FAF1: variants seen among roughly 807,000 people sequenced by gnomAD.
The protein encoded by FAF1 is FAS-associated factor 1.
In FAF1, 25 loss-of-function variants were observed where a neutral mutation model predicts 92.5. The ratio of observed to expected loss-of-function variants is 0.27; its 90% confidence interval spans 0.20 to 0.38. The LOEUF (loss-of-function observed/expected upper bound fraction) is 0.38. Among genes scored for constraint, FAF1 ranks in the 10% least tolerant of loss-of-function variants. The pLI, the probability that FAF1 is intolerant of heterozygous loss-of-function variation, is 1.00. For missense variants in FAF1, 636 were observed against 793.3 expected (o/e 0.80, Z 2.38); for synonymous variants, 234 against 273.2 (o/e 0.86, Z 1.42).
chr1:50,536,347 A>G (rs759221231), intron 14 of FAF1, among the ~76,000 whole-genome samples: 7 of 152,230 alleles, frequency 4.6e-5, no homozygotes, highest in African/African-American at 1.7e-4. Flanking sequence ...ATATAAAGAT[A>G]TGACAATTCT....
chr1:50,892,001 T>G (rs892785852), intron 1 of FAF1, among the ~76,000 whole-genome samples: 11 of 151,998 alleles, frequency 7.2e-5, no homozygotes, highest in Non-Finnish European at 1.6e-4. Flanking sequence ...TGCAGTGGGG[T>G]CCACCCAGTT....
chr1:50,660,958 C>T (rs1446444429), intron 7 of FAF1, among the ~76,000 whole-genome samples: 3 of 151,806 alleles, frequency 2.0e-5, no homozygotes. Flanking sequence ...GGAGTTAATC[C>T]TAGGTACAGG....
intron 12 of FAF1, among the ~76,000 whole-genome samples, chr1:50,579,338 A>G (rs1650891291): frequency 6.6e-6 from 1 of 152,146 alleles, no homozygotes; most frequent in South Asian, 2.1e-4. Context: ...GCTTTTAAAA[A>G]TATCTATACC....
intron 4 of FAF1, among the ~76,000 whole-genome samples, chr1:50,784,294 C>G (rs371848278): frequency 6.6e-6 from 1 of 151,242 alleles, no homozygotes; most frequent in Non-Finnish European, 1.5e-5. Flanking sequence ...AAGGATTCTA[C>G]CAAAGAAAAA....
chr1:50,624,174 G>T (rs1268506345), intron 8 of FAF1, among the ~76,000 whole-genome samples: 2 of 151,894 alleles, frequency 1.3e-5, no homozygotes, highest in East Asian at 3.9e-4. Flanking sequence ...TTCAGATGCA[G>T]TCTATCTCTG....
At chr1:50,879,714 T>G (rs1466660307) in intron 1 of FAF1, among the ~76,000 whole-genome samples, 1 of 152,202 alleles carries the variant, frequency 6.6e-6, no homozygotes, top group African/African-American at 2.4e-5. Context: ...AGCATCAGCA[T>G]CACCTGAGAA....
At chr1:50,800,722 T>A (rs569375540) in intron 3 of FAF1, among the ~76,000 whole-genome samples, 1 of 152,352 alleles carries the variant, frequency 6.6e-6, no homozygotes, top group Non-Finnish European at 1.5e-5. Flanking sequence ...TTGCAGTTCA[T>A]GGTGAACTTC....
At chr1:50,874,804 C>G (rs1189568613) in intron 1 of FAF1, among the ~76,000 whole-genome samples, 1 of 105,020 alleles carries the variant, frequency 9.5e-6, no homozygotes, top group African/African-American at 3.8e-5. Context: ...GGGTCTCACT[C>G]TGTCACCTGG....
intron 1 of FAF1, among the ~76,000 whole-genome samples, chr1:50,953,974 A>G (rs957859246): frequency 2.0e-5 from 3 of 151,588 alleles, no homozygotes; most frequent in Non-Finnish European, 4.4e-5. Context: ...TTTGAGACGG[A>G]GTCTCCCTCT....
At chr1:50,739,003 C>A in intron 5 of FAF1, 49 bp from the exon 6 acceptor site, 1 of 1,136,308 alleles carries the variant, frequency 8.8e-7, no homozygotes, top group South Asian at 1.4e-5. Context: ...GTTGATTATT[C>A]ATTATTGATT....
At chr1:50,913,125 T>G (rs1000526699) in intron 1 of FAF1, among the ~76,000 whole-genome samples, 4 of 152,224 alleles carry the variant, frequency 2.6e-5, no homozygotes, top group African/African-American at 9.6e-5. Flanking sequence ...ATTGCCTGTT[T>G]GTGTGTCTCT....
intron 7 of FAF1, among the ~76,000 whole-genome samples, chr1:50,686,892 G>A (rs1278217560): frequency 3.3e-5 from 5 of 152,102 alleles, no homozygotes; most frequent in East Asian, 1.9e-4. Flanking sequence ...GCAGTGGCGC[G>A]ATCTTGGCTC....
In FAF1 at chr1:50,681,861, G is replaced by T. The variant is rs182475253; in HGVS notation, c.657+23925C>A. ...TTTTTTTTCCTCTTTTTGAGACAGGGTCTTGCTCTGTTCCCAGGATGGAGT... is the reference window on the plus strand; with the variant it reads ...TTTTTTTTCCTCTTTTTGAGACAGGTTCTTGCTCTGTTCCCAGGATGGAGT... On this transcript the variant is annotated intron_variant, in intron 7 of 18. Transcript: ENST00000396153. Among the ~76,000 whole-genome samples the T allele has an allele frequency of 1.1e-4, 17 of 151,432 alleles. No homozygotes were observed. The East Asian group carries it at 2.5e-3, about 23-fold the overall frequency.
chr1:50,567,069 A>G lies in FAF1; in HGVS notation c.1268+8T>C. 6.4e-7 allele frequency: 1 copy of G among 1,553,344 alleles called. No homozygotes were observed. The highest frequency in any genetic ancestry group is 8.7e-7 in the Non-Finnish European group (1 of 1,150,796). On this transcript the variant is annotated splice_region_variant and intron_variant, in intron 13 of 18. Transcript: ENST00000396153. ...GCCCAACTTGTAACTTGTGAACAAC[A>G]GTATTACCTTGCTCTGTTGGAGTCC...
chr1:50,512,661 G>A (rs1180082734), intron 15 of FAF1, among the ~76,000 whole-genome samples: 1 of 152,178 alleles, frequency 6.6e-6, no homozygotes, highest in African/African-American at 2.4e-5. Context: ...TTGAAGTTCA[G>A]GTAGTATAAT....
intron 1 of FAF1, among the ~76,000 whole-genome samples, chr1:50,884,542 T>G (rs1361253860): frequency 6.6e-6 from 1 of 151,824 alleles, no homozygotes; most frequent in Admixed American, 6.6e-5. Flanking sequence ...AAAAAAAATT[T>G]TTTTTCTTAA....
intron 1 of FAF1, among the ~76,000 whole-genome samples, chr1:50,892,210 C>T (rs948379855): frequency 1.3e-5 from 2 of 152,186 alleles, no homozygotes; most frequent in Admixed American, 1.3e-4. Context: ...ATTCAAAAAA[C>T]ACAGTATTAG....
chr1:50,539,507 T>C (rs992695760), intron 14 of FAF1, 85 bp downstream of exon 14: 24 of 905,156 alleles, frequency 2.7e-5, no homozygotes, highest in Admixed American at 2.4e-4. Flanking sequence ...TATTTACTAA[T>C]AGAAATATTG....
chr1:50,589,747 T>A (rs1004064952), intron 9 of FAF1, among the ~76,000 whole-genome samples: 1 of 152,226 alleles, frequency 6.6e-6, no homozygotes, highest in Non-Finnish European at 1.5e-5. Context: ...CAAGATATCA[T>A]TGCCAAATCC....
Sources: allele counts gnomAD v4.1 joint callset (sites outside exome capture counted in the v4.1 genomes callset), GRCh38; gene constraint gnomAD v4.1.1; transcripts MANE v1.5; gene names NCBI Gene and HGNC (gene_info 2026-07-23, HGNC 2026-07-21).